The following LAMC1 variants were observed in gnomAD, a reference collection of about 807,000 sequenced individuals.
The protein encoded by LAMC1 is laminin subunit gamma-1.
Under a neutral mutation model 173.6 loss-of-function variants are expected in LAMC1, and 38 were observed. The ratio of observed to expected loss-of-function variants is 0.22; its 90% CI spans 0.17 to 0.29. The LOEUF is 0.29. Ranked by LOEUF, LAMC1 falls within the 10% of genes least tolerant of loss-of-function variation. The probability of loss-of-function intolerance (pLI) is 1.00; values close to 1 mark genes in which losing one functional copy is unlikely to be tolerated. For missense variants in LAMC1, 1,824 were observed against 2,051.8 expected (o/e 0.89, Z 2.14); for synonymous variants, 746 against 749.1 (o/e 1.00, Z 0.07).
chr1:183,089,776 G>A (rs112274101), intron 1 of LAMC1, among the ~76,000 whole-genome samples: 1 of 152,172 alleles, frequency 6.6e-6, no homozygotes, highest in Non-Finnish European at 1.5e-5. Context: ...CTAGGACATA[G>A]TTTTTAATCT....
At chr1:183,067,633 C>T (rs562721056) in intron 1 of LAMC1, among the ~76,000 whole-genome samples, 42 of 151,696 alleles carry the variant, frequency 2.8e-4, no homozygotes, top group Non-Finnish European at 2.8e-4. Flanking sequence ...GGACTACAAG[C>T]GCACGCCACC....
At chr1:183,126,681 T>A (rs955005035) in intron 16 of LAMC1, among the ~76,000 whole-genome samples, 1 of 152,234 alleles carries the variant, frequency 6.6e-6, no homozygotes, top group South Asian at 2.1e-4. Flanking sequence ...CCTTTTGGTA[T>A]GATTACGTGT....
rs1270652613 is a variant in LAMC1 at position 183,144,765 on chromosome 1, G to A, written c.*1975G>A. The A allele has an allele frequency of 2.0e-5, 3 of 152,178 alleles. No homozygotes were observed. The highest frequency in any genetic ancestry group is 7.2e-5 in the African/African-American group (3 of 41,410). 9.4% of individuals were successfully genotyped at this position (152,178 alleles called of 1,614,324 possible). A position where few individuals can be genotyped will look rare whatever the true frequency, so the allele number is the denominator to read the frequency against. ...GAGCTGGATAGGTAAGTTTTATAAG[G>A]GAGTACATTTTGACTGAGCACTTAG... On this transcript the variant is annotated 3_prime_UTR_variant, in exon 28 of 28. Coordinates refer to ENST00000258341, the MANE Select transcript of LAMC1 (RefSeq NM_002293.4).
At chr1:183,113,399 TA>T (rs895191021) in intron 4 of LAMC1, among the ~76,000 whole-genome samples, 4 of 108,850 alleles carry the variant, frequency 3.7e-5, no homozygotes, top group African/African-American at 1.1e-4. Flanking sequence ...TGTATTCGAA[TA>T]TTTTTTTTAA....
chr1:183,113,530 T>C (rs1656226390), intron 4 of LAMC1, among the ~76,000 whole-genome samples: 1 of 152,194 alleles, frequency 6.6e-6, no homozygotes, highest in Admixed American at 6.5e-5. Context: ...ATAAATATAG[T>C]AAGGAATTTT....
At chr1:183,093,292 T>C (rs1324281901) in intron 1 of LAMC1, among the ~76,000 whole-genome samples, 1 of 152,206 alleles carries the variant, frequency 6.6e-6, no homozygotes, top group African/African-American at 2.4e-5. Context: ...GGTTGCCAAA[T>C]CCAGTAGCCA....
At chr1:183,042,840 C>G (rs574335659) in intron 1 of LAMC1, among the ~76,000 whole-genome samples, 21 of 152,212 alleles carry the variant, frequency 1.4e-4, no homozygotes, top group Non-Finnish European at 2.6e-4. Flanking sequence ...ACTGTACCTT[C>G]TTGGTGTTGT....
chr1:183,111,758 G>T (rs1656160296), intron 4 of LAMC1, among the ~76,000 whole-genome samples: 1 of 149,456 alleles, frequency 6.7e-6, no homozygotes, highest in African/African-American at 2.4e-5. Flanking sequence ...GGCAGAGGCT[G>T]GGAACGGTGG....
chr1:183,104,515 C>G (rs1655916795), intron 2 of LAMC1, among the ~76,000 whole-genome samples: 1 of 152,166 alleles, frequency 6.6e-6, no homozygotes. Flanking sequence ...TGTCAGTTGA[C>G]TGAAACAAGA....
intron 4 of LAMC1, among the ~76,000 whole-genome samples, chr1:183,111,669 T>C (rs1289137948): frequency 6.6e-6 from 1 of 152,230 alleles, no homozygotes; most frequent in Non-Finnish European, 1.5e-5. Context: ...ACTTTTCTTA[T>C]GTCCTTACAA....
intron 1 of LAMC1, among the ~76,000 whole-genome samples, chr1:183,057,862 C>CT (rs1042406531): frequency 3.3e-5 from 5 of 152,038 alleles, no homozygotes; most frequent in Admixed American, 3.3e-4. Flanking sequence ...TTGAGATGTT[C>CT]TTTTTTTCCT....
chr1:183,136,417 G>A lies in LAMC1; in HGVS notation c.4146G>A (p.Thr1382=), dbSNP rs144504916. 2.6e-5 allele frequency: 42 copies of A among 1,614,008 alleles called. No individual in the cohort carries two copies. In the Middle Eastern group the frequency reaches 6.6e-4, roughly 25 times the overall value. The change falls in exon 25 of 28, where the codon ACG becomes ACA. Residue 1382 remains threonine, a synonymous_variant. Transcript: ENST00000258341. The part of the protein sequence containing the change: ...DFDRRVNDNK[T]AAEEALRKIP... ...ATAGGCGTGTGAACGATAACAAGAC[G>A]GCCGCAGAGGAGGCACTAAGGAAGA...
At chr1:183,102,104 G>T (rs1458115355) in intron 1 of LAMC1, among the ~76,000 whole-genome samples, 1 of 152,164 alleles carries the variant, frequency 6.6e-6, no homozygotes, top group Non-Finnish European at 1.5e-5. Flanking sequence ...GAGAGAGGGG[G>T]ACTCCAGCCG....
intron 1 of LAMC1, among the ~76,000 whole-genome samples, chr1:183,092,650 T>G (rs1231586302): frequency 6.6e-6 from 1 of 152,200 alleles, no homozygotes; most frequent in Non-Finnish European, 1.5e-5. Flanking sequence ...CCTGGGGGTT[T>G]TGAACTGTTT....
intron 1 of LAMC1, among the ~76,000 whole-genome samples, chr1:183,062,983 A>G (rs143534268): frequency 6.6e-6 from 1 of 152,330 alleles, no homozygotes; most frequent in East Asian, 1.9e-4. Context: ...AAGTAGTATT[A>G]CTAATCATAT....
chr1:183,025,324 A>G (rs1653658256), intron 1 of LAMC1, among the ~76,000 whole-genome samples: 1 of 112,234 alleles, frequency 8.9e-6, no homozygotes, highest in Non-Finnish European at 2.0e-5. Context: ...CCAGAGAAAG[A>G]ATTGGACTTA....
intron 19 of LAMC1, among the ~76,000 whole-genome samples, chr1:183,130,941 G>A (rs760439832): frequency 3.3e-5 from 5 of 152,258 alleles, no homozygotes; most frequent in African/African-American, 4.8e-5. Context: ...TTGGGAGGCC[G>A]AGGCGGGTGG....
At chr1:183,118,724 GA>G (rs56773895) in intron 11 of LAMC1, among the ~76,000 whole-genome samples, 2,085 of 138,724 alleles carry the variant, frequency 0.015, 24 homozygotes, top group South Asian at 0.048. Context: ...ATCTGTCTCA[GA>G]AAAAAAAAAA....
chr1:183,110,738 C>A, intron 4 of LAMC1, 84 bp downstream of exon 4: 2 of 1,387,380 alleles, frequency 1.4e-6, no homozygotes, highest in Non-Finnish European at 2.0e-6. Context: ...TCTTTTATTC[C>A]TCCTTGAAAG....
Sources: allele counts gnomAD v4.1 joint callset (sites outside exome capture counted in the v4.1 genomes callset), GRCh38; gene constraint gnomAD v4.1.1; transcripts MANE v1.5; gene names NCBI Gene and HGNC (gene_info 2026-07-23, HGNC 2026-07-21).